Variants in HMGCLL1 observed in about 807,000 individuals in gnomAD.
HMGCLL1 encodes 3-hydroxy-3-methylglutaryl-CoA lyase like 1, also known as 3-hydroxymethyl-3-methylglutaryl-CoA lyase, cytoplasmic.
HMGCLL1 carries 36 observed loss-of-function variants against 39.1 expected under a neutral mutation model. The observed-to-expected ratio is 0.92, with a 90% CI of 0.71 to 1.22. HMGCLL1 has a LOEUF of 1.22. Ranked by LOEUF, HMGCLL1 falls within the 50% of genes most tolerant of loss-of-function variation. The probability of loss-of-function intolerance (pLI) is 0.00; values close to 1 mark genes in which losing one functional copy is unlikely to be tolerated. For synonymous variants in HMGCLL1, 149 were observed against 144.0 expected (o/e 1.03, Z -0.25); for missense variants, 451 against 416.5 (o/e 1.08, Z -0.72).
chr6:55,487,359 C>T (rs764051043), intron 7 of HMGCLL1, among the ~76,000 whole-genome samples: 5 of 151,938 alleles, frequency 3.3e-5, no homozygotes, highest in Non-Finnish European at 7.4e-5. Context: ...AGTTTTGTTA[C>T]ACAGGTATAC....
At chr6:55,466,825 A>G (rs182388961) in intron 7 of HMGCLL1, among the ~76,000 whole-genome samples, 1 of 152,194 alleles carries the variant, frequency 6.6e-6, no homozygotes, top group Admixed American at 6.6e-5. Flanking sequence ...TAAAATACAA[A>G]TCTGAAGTGC....
the HMGCLL1 span, among the ~76,000 whole-genome samples, chr6:55,618,301 C>A: frequency 3.3e-5 from 5 of 151,182 alleles, no homozygotes; most frequent in African/African-American, 1.2e-4. Flanking sequence ...TTTATTTACT[C>A]TTCTGTATGT....
rs1764708305 is a variant in HMGCLL1, at chr6:55,464,355, A to G, written c.796-24796T>C. On this transcript the variant is annotated intron_variant, in intron 7 of 8. Transcript: ENST00000274901. ...AAAAATTCTATCCTGCAACCATAAC[A>G]CTAACTAATGTGACTTTTAGTGGTT... Among the ~76,000 whole-genome samples, 3 of 152,152 alleles carry G rather than the reference A, an allele frequency of 2.0e-5. No individual in the cohort carries two copies. The South Asian group carries it at 6.2e-4, about 32-fold the overall frequency.
chr6:55,455,729 A>G (rs890146865), intron 7 of HMGCLL1, among the ~76,000 whole-genome samples: 8 of 152,168 alleles, frequency 5.3e-5, no homozygotes, highest in African/African-American at 1.9e-4. Flanking sequence ...ATGCTGCCCA[A>G]ACACAAATGA....
chr6:55,651,014 C>T, the HMGCLL1 span, among the ~76,000 whole-genome samples: 1 of 152,046 alleles, frequency 6.6e-6, no homozygotes, highest in Non-Finnish European at 1.5e-5. Flanking sequence ...ACCCTAAGAG[C>T]CTGCTTGTTG....
intron 7 of HMGCLL1, among the ~76,000 whole-genome samples, chr6:55,489,964 T>C (rs886320417): frequency 8.6e-5 from 13 of 151,978 alleles, no homozygotes; most frequent in African/African-American, 3.1e-4. Flanking sequence ...AGTGAAAAAA[T>C]TGAAGTACCC....
At chr6:55,569,251 G>C (rs12206315) in intron 1 of HMGCLL1, among the ~76,000 whole-genome samples, 2 of 151,978 alleles carry the variant, frequency 1.3e-5, no homozygotes, top group Non-Finnish European at 2.9e-5. Context: ...TTCATGGGCA[G>C]GAGCCAGGAG....
Position 55,435,140 on chromosome 6 carries a change from C to A in HMGCLL1, c.*522G>T, listed in dbSNP as rs1763319694. Reference sequence around the variant, plus strand: ...TAGCCATACTTGAAATATAAAAGTTCTATTGCTAAAATTATGTAGGGTCAG... The same window carrying A: ...TAGCCATACTTGAAATATAAAAGTTATATTGCTAAAATTATGTAGGGTCAG... On this transcript the variant is annotated 3_prime_UTR_variant, in exon 9 of 9. Coordinates refer to ENST00000274901, the MANE Select transcript of HMGCLL1 (RefSeq NM_001042406.2). 6.6e-6 allele frequency: 1 copy of A among 152,536 alleles called. No homozygotes were observed. The highest frequency in any genetic ancestry group is 2.4e-5 in the African/African-American group (1 of 41,432). The allele number at this position is 152,536 out of a possible 1,614,324, so 9.4% of individuals were successfully genotyped here.
intron 6 of HMGCLL1, among the ~76,000 whole-genome samples, chr6:55,496,459 A>G (rs1169460351): frequency 6.6e-6 from 1 of 152,160 alleles, no homozygotes; most frequent in African/African-American, 2.4e-5. Flanking sequence ...ATAATTTTGT[A>G]GCCACCTCCT....
chr6:55,477,407 A>T (rs61238661), intron 7 of HMGCLL1, among the ~76,000 whole-genome samples: 26 of 26,038 alleles, frequency 1.0e-3, no homozygotes, highest in Admixed American at 1.2e-3. Flanking sequence ...TATATTATCT[A>T]AATATATATT....
chr6:55,481,876 G>T (rs1380170961), intron 7 of HMGCLL1, among the ~76,000 whole-genome samples: 2 of 151,802 alleles, frequency 1.3e-5, no homozygotes, highest in East Asian at 3.9e-4. Flanking sequence ...ATTAATATTT[G>T]CCATAAGATA....
chr6:55,591,295 T>C, the HMGCLL1 span, among the ~76,000 whole-genome samples: 2 of 151,956 alleles, frequency 1.3e-5, no homozygotes, highest in Non-Finnish European at 2.9e-5. Flanking sequence ...TCATAAGTAC[T>C]ATCCAGGAGA....
intron 7 of HMGCLL1, among the ~76,000 whole-genome samples, chr6:55,472,993 C>T (rs1007676231): frequency 2.0e-5 from 3 of 151,368 alleles, no homozygotes; most frequent in African/African-American, 7.3e-5. Flanking sequence ...ATATAACATA[C>T]TACCATATCT....
chr6:55,470,920 G>A lies in HMGCLL1; in HGVS notation c.795+24499C>T, dbSNP rs1765017576. 4.0e-5 allele frequency among the ~76,000 whole-genome samples: 6 copies of A among 151,614 alleles called. No homozygotes were observed. In the Admixed American group the frequency reaches 4.0e-4, roughly 10 times the overall value. On this transcript the variant is annotated intron_variant, in intron 7 of 8. Coordinates refer to ENST00000274901, the MANE Select transcript of HMGCLL1 (RefSeq NM_001042406.2). ...GCATGAGAACTGTATCAGGACAATT[G>A]CCCCCATGATCAAATCACCTCCTAC... is the stretch of plus-strand genomic sequence containing the variant.
intron 1 of HMGCLL1, among the ~76,000 whole-genome samples, chr6:55,543,241 TATAG>T (rs1471730173): frequency 1.3e-4 from 2 of 15,746 alleles, no homozygotes; most frequent in African/African-American, 3.7e-4. Context: ...ATAGATATAA[TATAG>T]ATATATAATA....
intron 7 of HMGCLL1, among the ~76,000 whole-genome samples, chr6:55,460,421 T>C (rs990111605): frequency 3.9e-5 from 6 of 151,946 alleles, no homozygotes; most frequent in Non-Finnish European, 7.4e-5. Context: ...TTGAAACTCA[T>C]AGAAAGCACT....
chr6:55,547,979 AAAGCTGATAGTG>A, intron 1 of HMGCLL1, among the ~76,000 whole-genome samples: 2 of 152,162 alleles, frequency 1.3e-5, no homozygotes, highest in South Asian at 4.1e-4. Context: ...GTGACTCAAC[AAAGCTGATAGTG>A]AAACTGTTCT....
chr6:55,644,798 T>C, the HMGCLL1 span, among the ~76,000 whole-genome samples: 1 of 152,074 alleles, frequency 6.6e-6, no homozygotes, highest in Non-Finnish European at 1.5e-5. Context: ...TTGATTACTA[T>C]AACTCTGTAG....
At chr6:55,588,921 A>G in the HMGCLL1 span, among the ~76,000 whole-genome samples, 1 of 152,120 alleles carries the variant, frequency 6.6e-6, no homozygotes, top group African/African-American at 2.4e-5. Context: ...TTAATAGCTT[A>G]CCAACCAAAA....
Sources: allele counts gnomAD v4.1 joint callset (sites outside exome capture counted in the v4.1 genomes callset), GRCh38; gene constraint gnomAD v4.1.1; transcripts MANE v1.5; gene names NCBI Gene and HGNC (gene_info 2026-07-23, HGNC 2026-07-21).